NCAPD3: variants seen among roughly 807,000 people sequenced by gnomAD.
NCAPD3 encodes non-SMC condensin II complex subunit D3.
A neutral mutation model predicts 182.9 loss-of-function variants in NCAPD3; 105 were observed. The observed-to-expected ratio is 0.57, with a 90% CI of 0.49 to 0.68. NCAPD3 has a LOEUF of 0.68. Among genes scored for constraint, NCAPD3 ranks in the 30% least tolerant of loss-of-function variants. NCAPD3 has a pLI of 0.00. For missense variants in NCAPD3, 1,944 were observed against 1,837.0 expected (o/e 1.06, Z -1.07); for synonymous variants, 815 against 679.9 (o/e 1.20, Z -3.09).
rs151320597 is a variant in NCAPD3, at chr11:134,180,884, G to A, written c.2559+193C>T. Among the ~76,000 whole-genome samples, 139 of 151,898 alleles carry A rather than the reference G, an allele frequency of 9.2e-4. 1 individual carries two copies. The East Asian group carries it at 0.021, about 23-fold the overall frequency. ...GCGTATACCATTGAGTTTCCCCACC[G>A]ATAAAAAGTATATAAGAAAAAAATG... On this transcript the variant is annotated intron_variant, in intron 20 of 34. Coordinates refer to ENST00000534548, the MANE Select transcript of NCAPD3 (RefSeq NM_015261.3).
Position 134,168,272 on chromosome 11 carries a change from C to A in NCAPD3, c.3374-77G>T, listed in dbSNP as rs1190477537. 1.1e-5 allele frequency: 17 copies of A among 1,480,298 alleles called. No individual in the cohort carries two copies. The East Asian group carries it at 3.6e-4, about 32-fold the overall frequency. 91.7% of individuals were successfully genotyped at this position (1,480,298 alleles called of 1,614,324 possible). On this transcript the variant is annotated intron_variant, in intron 26 of 34. Coordinates refer to ENST00000534548, the MANE Select transcript of NCAPD3 (RefSeq NM_015261.3). ...CAGAGAGGAGGTGTAATTCCCACAA[C>A]TGGGGGGCCATCTGAGGCTGTCAGG...
intron 19 of NCAPD3, among the ~76,000 whole-genome samples, chr11:134,183,938 T>C (rs991959238): frequency 6.6e-6 from 1 of 152,250 alleles, no homozygotes; most frequent in African/African-American, 2.4e-5. Context: ...TTGTTTTCTA[T>C]AGCCATTATT....
intron 16 of NCAPD3, among the ~76,000 whole-genome samples, chr11:134,186,796 G>T (rs567070351): frequency 1.3e-5 from 2 of 152,138 alleles, no homozygotes; most frequent in East Asian, 3.9e-4. Context: ...ACCATAATAA[G>T]CATATGCATA....
At chr11:134,159,439 T>G (rs1047568926) in intron 29 of NCAPD3, among the ~76,000 whole-genome samples, 1 of 152,256 alleles carries the variant, frequency 6.6e-6, no homozygotes, top group African/African-American at 2.4e-5. Context: ...AGCTGCCACT[T>G]GTAGATGCTG....
intron 20 of NCAPD3, among the ~76,000 whole-genome samples, chr11:134,180,315 C>T (rs1050070432): frequency 6.6e-6 from 1 of 152,014 alleles, no homozygotes; most frequent in Admixed American, 6.6e-5. Flanking sequence ...AGAAACTGAA[C>T]ACAGAAAAGA....
chr11:134,191,030 T>C (rs1944513317), intron 16 of NCAPD3, among the ~76,000 whole-genome samples: 1 of 152,234 alleles, frequency 6.6e-6, no homozygotes, highest in African/African-American at 2.4e-5. Context: ...TCTCCATACT[T>C]CTGAATTCTT....
At position 134,185,328 on chromosome 11, in the gene NCAPD3, T is replaced by C. The variant is rs777490165; in HGVS notation, c.2237+7A>G. 11 of 1,597,442 alleles carry C rather than the reference T, an allele frequency of 6.9e-6. No homozygotes were observed. The highest frequency in any genetic ancestry group is 2.7e-5 in the African/African-American group (2 of 74,384). ...TGTCATTACTGGTTAAATTAGAAGATACAAACCTGCTGATTTTCTCCCAAG... is the reference window on the plus strand; with the variant it reads ...TGTCATTACTGGTTAAATTAGAAGACACAAACCTGCTGATTTTCTCCCAAG... On this transcript the variant is annotated splice_region_variant and intron_variant, in intron 17 of 34. Coordinates refer to ENST00000534548, the MANE Select transcript of NCAPD3 (RefSeq NM_015261.3).
At chr11:134,206,176 A>G (rs1937608078) in intron 8 of NCAPD3, among the ~76,000 whole-genome samples, 1 of 152,224 alleles carries the variant, frequency 6.6e-6, no homozygotes, top group Non-Finnish European at 1.5e-5. Context: ...ACAGAGGGAA[A>G]GGAATAGAAA....
chr11:134,206,239 A>G (rs184534786), intron 8 of NCAPD3, among the ~76,000 whole-genome samples: 2 of 152,358 alleles, frequency 1.3e-5, no homozygotes, highest in Admixed American at 1.3e-4. Context: ...AGAGCTGCAA[A>G]GTAGAGAGCA....
At chr11:134,192,534 G>T (rs984005648) in intron 16 of NCAPD3, among the ~76,000 whole-genome samples, 155 bp downstream of exon 16, 2 of 152,234 alleles carry the variant, frequency 1.3e-5, no homozygotes, top group African/African-American at 4.8e-5. Context: ...CTAAGAGATT[G>T]GAAGTCAGTC....
In NCAPD3 at chr11:134,209,206, C is replaced by T. The variant is rs1380680328; in HGVS notation, c.733G>A (p.Val245Ile). Reference sequence around the variant, plus strand: ...TCAAAATTAGTTAATGAAACAAAGACCTAGAAAACAGATATGAAGAAAAGG... The same window carrying T: ...TCAAAATTAGTTAATGAAACAAAGATCTAGAAAACAGATATGAAGAAAAGG... ...KPQCVQNCIE[V>I]FVSLTNFEPV... The change falls in exon 6 of 35, where the codon GTC (valine) becomes ATC (isoleucine). Residue 245 changes from valine (V) to isoleucine (I), a missense_variant and splice_region_variant. Around this residue, in one of 3 missense-constraint regions of NCAPD3, gnomAD observed 1,803 missense variants for 1,674.6 expected, o/e 1.08. Coordinates refer to ENST00000534548, the MANE Select transcript of NCAPD3 (RefSeq NM_015261.3). 1.2e-6 allele frequency: 2 copies of T among 1,613,200 alleles called. No homozygotes were observed. The highest frequency in any genetic ancestry group is 1.7e-6 in the Non-Finnish European group (2 of 1,179,588).
At position 134,157,992 on chromosome 11, in the gene NCAPD3, A is replaced by C. The variant is rs554571220; in HGVS notation, c.4110T>G (p.Ser1370Arg). 29 of 1,613,866 alleles carry C rather than the reference A, an allele frequency of 1.8e-5. No homozygotes were observed. The highest frequency in any genetic ancestry group is 2.4e-5 in the Non-Finnish European group (28 of 1,180,006). Residue 1370 changes from serine to arginine, a missense_variant, in exon 31 of 35, where the codon AGT (serine) becomes AGG (arginine). Ser to Arg is a moderately radical substitution (Grantham distance 110, BLOSUM62 -1). Coordinates refer to ENST00000534548, the MANE Select transcript of NCAPD3 (RefSeq NM_015261.3). ...KAVESKSRHRSRSLGVLPFTL... is the reference protein window; with the variant it reads ...KAVESKSRHRRRSLGVLPFTL... ...TGAAAGGCAGCACTCCTAAGCTCCG[A>C]CTCCGATGCCTGCTCTTTGACTCCA...
chr11:134,161,715 T>C (rs1015365684), intron 28 of NCAPD3, 66 bp downstream of exon 28: 1 of 958,058 alleles, frequency 1.0e-6, no homozygotes, highest in Admixed American at 2.2e-5. Flanking sequence ...CTGTCATAAC[T>C]GGCAGAAGAT....
At chr11:134,171,532 G>C (rs1467173880) in intron 24 of NCAPD3, among the ~76,000 whole-genome samples, 3 of 152,080 alleles carry the variant, frequency 2.0e-5, no homozygotes, top group Non-Finnish European at 2.9e-5. Flanking sequence ...TTCCTGACCT[G>C]GCCTACAACA....
At chr11:134,180,067 TAGTA>T (rs1944261947) in intron 20 of NCAPD3, among the ~76,000 whole-genome samples, 1 of 151,824 alleles carries the variant, frequency 6.6e-6, no homozygotes, top group African/African-American at 2.4e-5. Context: ...TCACTGACCA[TAGTA>T]AGCATCTTTC....
intron 3 of NCAPD3, among the ~76,000 whole-genome samples, chr11:134,211,776 T>G (rs10791350): frequency 0.27 from 41,153 of 151,998 alleles, 6,002 homozygotes; most frequent in African/African-American, 0.38. Context: ...TAATAGTGGC[T>G]TGGTTATTAC....
In NCAPD3 at chr11:134,159,932, G is replaced by C; in HGVS notation, c.3827C>G (p.Ala1276Gly). 6.2e-7 allele frequency: 1 copy of C among 1,613,696 alleles called. No homozygotes were observed. Reference sequence around the variant, plus strand: ...CACCTCAGCACCTCCAGCCGTCCCGGCCACATCTGCATGTTTTGCTAGCTC... The same window carrying C: ...CACCTCAGCACCTCCAGCCGTCCCGCCCACATCTGCATGTTTTGCTAGCTC... ...EQELAKHADV[A>G]GTAGGAEVAP... Residue 1276 changes from alanine to glycine, a missense_variant, in exon 29 of 35, where the codon GCC (alanine) becomes GGC (glycine). Coordinates refer to ENST00000534548, the MANE Select transcript of NCAPD3 (RefSeq NM_015261.3).
At chr11:134,200,159 A>C (rs1254528105) in intron 13 of NCAPD3, among the ~76,000 whole-genome samples, 1 of 152,250 alleles carries the variant, frequency 6.6e-6, no homozygotes, top group African/African-American at 2.4e-5. Context: ...AAGAAAACAC[A>C]GGAGTAAATC....
intron 12 of NCAPD3, 65 bp from the exon 13 acceptor site, chr11:134,202,970 G>A: frequency 7.6e-7 from 1 of 1,318,360 alleles, no homozygotes; most frequent in Non-Finnish European, 1.1e-6. Flanking sequence ...CATTAGCAGG[G>A]CATGTTACTC....
Sources: allele counts gnomAD v4.1 joint callset (sites outside exome capture counted in the v4.1 genomes callset), GRCh38; gene constraint gnomAD v4.1.1; regional missense constraint gnomAD v4.1.1; transcripts MANE v1.5; gene names NCBI Gene and HGNC (gene_info 2026-07-23, HGNC 2026-07-21).